The following FRMD3 variants were observed in gnomAD, a reference collection of about 807,000 sequenced individuals.
The protein encoded by FRMD3 is FERM domain containing 3.
In FRMD3, 33 loss-of-function variants were observed where a neutral mutation model predicts 70.2. The ratio of observed to expected loss-of-function variants is 0.47; its 90% CI spans 0.36 to 0.63. The LOEUF (loss-of-function observed/expected upper bound fraction) is 0.63. FRMD3 is among the 20% of genes least tolerant of loss of function. The pLI, the probability that FRMD3 is intolerant of heterozygous loss-of-function variation, is 0.00. For missense variants in FRMD3, 632 were observed against 711.4 expected (o/e 0.89, Z 1.27); for synonymous variants, 279 against 255.9 (o/e 1.09, Z -0.86).
chr9:83,272,994 G>C (rs1268084991), intron 13 of FRMD3, among the ~76,000 whole-genome samples: 2 of 144,574 alleles, frequency 1.4e-5, no homozygotes, highest in African/African-American at 5.2e-5. Context: ...CAGCCGCCCC[G>C]TCCGGGAGGG....
At chr9:83,429,526 C>T (rs1044525185) in intron 1 of FRMD3, among the ~76,000 whole-genome samples, 4 of 152,172 alleles carry the variant, frequency 2.6e-5, no homozygotes, top group Non-Finnish European at 5.9e-5. Context: ...CTCCCACTCC[C>T]TTCTCTGCCC....
At chr9:83,378,261 G>GTTTTTTTTT (rs141992984) in intron 2 of FRMD3, among the ~76,000 whole-genome samples, 3 of 129,406 alleles carry the variant, frequency 2.3e-5, no homozygotes, top group African/African-American at 3.0e-5. Context: ...CTTCTTTTTT[G>GTTTTTTTTT]TTTTTTTTGT....
chr9:83,420,937 C>CTTTT (rs897070718), intron 1 of FRMD3, among the ~76,000 whole-genome samples: 1,198 of 107,668 alleles, frequency 0.011, 17 homozygotes, highest in Non-Finnish European at 0.013. Flanking sequence ...TTTCTTTCTT[C>CTTTT]TTTTTTTTTT....
At chr9:83,301,892 T>C (rs933237522) in intron 10 of FRMD3, among the ~76,000 whole-genome samples, 1 of 152,390 alleles carries the variant, frequency 6.6e-6, no homozygotes, top group Non-Finnish European at 1.5e-5. Context: ...TGCGTCTTTC[T>C]GGCTGCGGGT....
chr9:83,543,094 A>C (rs1587547178), upstream of FRMD3, among the ~76,000 whole-genome samples: 1 of 152,202 alleles, frequency 6.6e-6, no homozygotes, highest in East Asian at 1.9e-4. Context: ...TTAAAATGTA[A>C]AACTTTTAGG....
At chr9:83,482,216 GT>G (rs986590918) in intron 1 of FRMD3, among the ~76,000 whole-genome samples, 2 of 152,156 alleles carry the variant, frequency 1.3e-5, no homozygotes, top group African/African-American at 2.4e-5. Context: ...CACCCCATCT[GT>G]TTGAAAACTT....
At chr9:83,442,440 T>C (rs1827328298) in intron 1 of FRMD3, among the ~76,000 whole-genome samples, 1 of 152,000 alleles carries the variant, frequency 6.6e-6, no homozygotes, top group Non-Finnish European at 1.5e-5. Flanking sequence ...GTATTTTTAG[T>C]AGAGACGGGG....
chr9:83,325,611 C>T (rs1167163515), intron 6 of FRMD3, among the ~76,000 whole-genome samples: 1 of 152,172 alleles, frequency 6.6e-6, no homozygotes, highest in Non-Finnish European at 1.5e-5. Context: ...AGGGGTAAGC[C>T]ACTGCAACCC....
At chr9:83,379,454 G>C (rs1251609017) in intron 2 of FRMD3, among the ~76,000 whole-genome samples, 1 of 152,226 alleles carries the variant, frequency 6.6e-6, no homozygotes, top group South Asian at 2.1e-4. Context: ...GGAGAACCTG[G>C]TAACAAAATA....
chr9:83,282,729 G>A (rs1482044388), intron 13 of FRMD3, among the ~76,000 whole-genome samples: 4 of 152,194 alleles, frequency 2.6e-5, no homozygotes, highest in East Asian at 1.9e-4. Flanking sequence ...TTTCATCTGA[G>A]ACATTAATGC....
chr9:83,357,880 T>C (rs1342359208), intron 3 of FRMD3, among the ~76,000 whole-genome samples: 1 of 152,250 alleles, frequency 6.6e-6, no homozygotes, highest in Non-Finnish European at 1.5e-5. Flanking sequence ...GGGTTGTCTG[T>C]TAACTCTGCT....
At chr9:83,291,866 T>C (rs529229390) in intron 12 of FRMD3, among the ~76,000 whole-genome samples, 3 of 152,324 alleles carry the variant, frequency 2.0e-5, no homozygotes, top group Admixed American at 2.0e-4. Context: ...GACTACCTTC[T>C]AGCCTGAGTG....
At chr9:83,344,046 G>A (rs1823868364) in intron 4 of FRMD3, among the ~76,000 whole-genome samples, 2 of 152,240 alleles carry the variant, frequency 1.3e-5, no homozygotes, top group African/African-American at 4.8e-5. Context: ...AAATAGCAAG[G>A]TGGGAGGCAG....
At chr9:83,301,153 C>G (rs572841519) in intron 10 of FRMD3, among the ~76,000 whole-genome samples, 4 of 152,210 alleles carry the variant, frequency 2.6e-5, no homozygotes, top group East Asian at 1.9e-4. Flanking sequence ...CTGGGGGGGG[C>G]CCTGCAGTGT....
intron 1 of FRMD3, among the ~76,000 whole-genome samples, chr9:83,479,789 A>AG (rs1564097226): frequency 1.3e-4 from 2 of 15,104 alleles, no homozygotes; most frequent in African/African-American, 6.4e-4. Context: ...GAGGGAGGGA[A>AG]GGAAGGAAGG....
intron 9 of FRMD3, 61 bp from the exon 10 acceptor site, chr9:83,309,685 G>GT (rs5898823): frequency 0.062 from 51,542 of 826,080 alleles, no homozygotes; most frequent in South Asian, 0.084. Flanking sequence ...TTTTCCATGG[G>GT]TTTTTTTTTT....
intron 1 of FRMD3, among the ~76,000 whole-genome samples, chr9:83,469,570 C>G (rs934611522): frequency 9.2e-5 from 14 of 152,082 alleles, no homozygotes; most frequent in African/African-American, 2.9e-4. Flanking sequence ...GGAGGAGAAA[C>G]TTAAGACCAA....
rs80286493 is a variant in FRMD3 at position 83,421,412 on chromosome 9, A to G, written c.148-31704T>C. Among the ~76,000 whole-genome samples the G allele has an allele frequency of 1.1e-4, 16 of 152,282 alleles. No individual in the cohort carries two copies. In the East Asian group the frequency reaches 2.9e-3, roughly 28 times the overall value. Reference sequence around the variant, plus strand: ...ATTCACATTTTTGCATTGAATCCTCATCATGGCCTTGCAAACAGGCATTAT... The same window carrying G: ...ATTCACATTTTTGCATTGAATCCTCGTCATGGCCTTGCAAACAGGCATTAT... On this transcript the variant is annotated intron_variant, in intron 1 of 13. Transcript: ENST00000304195.
chr9:83,304,593 A>G (rs1835052336), intron 10 of FRMD3, among the ~76,000 whole-genome samples: 1 of 152,228 alleles, frequency 6.6e-6, no homozygotes, highest in Admixed American at 6.5e-5. Context: ...TGAATAAGAA[A>G]TGTATTAGGA....
Sources: gnomAD v4.1 joint callset for allele counts (sites outside exome capture counted in the v4.1 genomes callset) on GRCh38, gnomAD v4.1.1 for gene constraint, MANE v1.5 for transcripts, NCBI Gene and HGNC (gene_info 2026-07-23, HGNC 2026-07-21) for gene names.